Variants in NTSR1 observed in about 807,000 individuals in gnomAD.
The protein encoded by NTSR1 is neurotensin receptor 1.
A neutral mutation model predicts 31.2 loss-of-function variants in NTSR1; 29 were observed. The observed-to-expected ratio is 0.93, with a 90% CI of 0.69 to 1.27. NTSR1 has a LOEUF of 1.27. Ranked by LOEUF, NTSR1 falls within the 50% of genes most tolerant of loss-of-function variation. The pLI, the probability that NTSR1 is intolerant of heterozygous loss-of-function variation, is 0.00. For synonymous variants in NTSR1, 282 were observed against 269.9 expected (o/e 1.04, Z -0.44); for missense variants, 697 against 595.4 (o/e 1.17, Z -1.78).
rs372248586 is a variant in NTSR1, at chr20:62,717,361, A to G, written c.714+7440A>G. 5.3e-5 allele frequency among the ~76,000 whole-genome samples: 8 copies of G among 152,350 alleles called. No individual in the cohort carries two copies. The East Asian group carries it at 1.3e-3, about 26-fold the overall frequency. On this transcript the variant is annotated intron_variant, in intron 1 of 3. Transcript: ENST00000370501. ...CAGTCAGGGAAGCAAGAAGGAGATC[A>G]GGAGAATGCTTCCCGAGAATAGGTG...
At chr20:62,730,819 T>C (rs983829258) in intron 1 of NTSR1, among the ~76,000 whole-genome samples, 3 of 152,380 alleles carry the variant, frequency 2.0e-5, no homozygotes, top group African/African-American at 7.2e-5. Flanking sequence ...TAATCGACAT[T>C]TCTCTAATGA....
rs1312093474 is a variant in NTSR1, at chr20:62,743,799, G to A, written c.715-10886G>A. Among the ~76,000 whole-genome samples, 2 of 152,038 alleles carry A rather than the reference G, an allele frequency of 1.3e-5. No individual in the cohort carries two copies. The highest frequency in any genetic ancestry group is 2.9e-5 in the Non-Finnish European group (2 of 68,020). ...GAATACAAAACAAGCAATTGCTCTC[G>A]AAGAGCGAGGTGAGAACGCCCTGCC... On this transcript the variant is annotated intron_variant, in intron 1 of 3. Coordinates refer to ENST00000370501, the MANE Select transcript of NTSR1 (RefSeq NM_002531.3). The surrounding 1 kb of genome is among the most constrained non-coding windows in gnomAD (Gnocchi z 7.5).
chr20:62,716,973 G>A lies in NTSR1; in HGVS notation c.714+7052G>A, dbSNP rs78936348. Among the ~76,000 whole-genome samples, 873 of 152,356 alleles carry A rather than the reference G, an allele frequency of 5.7e-3. 7 individuals carry two copies. The highest frequency in any genetic ancestry group is 0.02 in the African/African-American group (846 of 41,570). ...TGACCTTGCCATCGCCAGTGAAGGC[G>A]CAGTGGCCAAGGGGCTGTCCCCGTC... is the stretch of plus-strand genomic sequence containing the variant. On this transcript the variant is annotated intron_variant, in intron 1 of 3. Coordinates refer to ENST00000370501, the MANE Select transcript of NTSR1 (RefSeq NM_002531.3).
At chr20:62,717,676 G>A (rs1988756415) in intron 1 of NTSR1, among the ~76,000 whole-genome samples, 2 of 152,298 alleles carry the variant, frequency 1.3e-5, no homozygotes, top group Non-Finnish European at 2.9e-5. Flanking sequence ...TGGGAGGGCT[G>A]GGAGCCTCCC....
chr20:62,709,970 A>C, intron 1 of NTSR1, 49 bp downstream of exon 1: 3 of 1,385,128 alleles, frequency 2.2e-6, no homozygotes, highest in Non-Finnish European at 3.0e-6. Context: ...TCACCCCAAA[A>C]GCAGTGCCAG....
chr20:62,753,399 C>T (rs1375267829), intron 1 of NTSR1, among the ~76,000 whole-genome samples: 2 of 152,232 alleles, frequency 1.3e-5, no homozygotes, highest in Non-Finnish European at 2.9e-5. Flanking sequence ...GCTCTGCCCT[C>T]CCTTGTGGCA....
intron 1 of NTSR1, among the ~76,000 whole-genome samples, chr20:62,749,179 C>T (rs1257005534): frequency 2.0e-5 from 3 of 152,166 alleles, no homozygotes; most frequent in South Asian, 4.1e-4. Flanking sequence ...CGGTGGCTCA[C>T]GCCTATAATC....
In NTSR1 at chr20:62,709,142, G is replaced by T. The variant is rs114225531; in HGVS notation, c.-66G>T. ...GTTCATCGGTCCCCGCCTGAGACGC[G>T]CCCACTCCTGCCCGGACTTCCAGCC... On this transcript the variant is annotated 5_prime_UTR_variant, in exon 1 of 4. Coordinates refer to ENST00000370501, the MANE Select transcript of NTSR1 (RefSeq NM_002531.3). 2.0e-3 allele frequency: 2,539 copies of T among 1,257,420 alleles called. 56 individuals carry two copies. In the African/African-American group the frequency reaches 0.035, roughly 17 times the overall value. 77.9% of individuals were successfully genotyped at this position (1,257,420 alleles called of 1,614,324 possible). A position where few individuals can be genotyped will look rare whatever the true frequency, so the allele number is the denominator to read the frequency against.
At position 62,709,859 on chromosome 20, in the gene NTSR1, C is replaced by G. The variant is rs753711022; in HGVS notation, c.652C>G (p.His218Asp). ...GCAGAACCGCAGCGCCGACGGCCAG[C>G]ACGCCGGCGGCCTGGTGTGCACCCC... ...GEQNRSADGQ[H>D]AGGLVCTPTI... is the part of the protein sequence containing the mutation. Residue 218 changes from histidine (H) to aspartate (D), a missense_variant, in exon 1 of 4, where the codon CAC (histidine) becomes GAC (aspartate). His to Asp is a moderately conservative substitution (Grantham distance 81). Coordinates refer to ENST00000370501, the MANE Select transcript of NTSR1 (RefSeq NM_002531.3). 1.5e-5 allele frequency: 24 copies of G among 1,607,926 alleles called. No homozygotes were observed. The highest frequency in any genetic ancestry group is 2.0e-5 in the Non-Finnish European group (24 of 1,176,254).
intron 1 of NTSR1, among the ~76,000 whole-genome samples, chr20:62,735,988 A>G (rs1171111112): frequency 6.6e-6 from 1 of 152,242 alleles, no homozygotes; most frequent in Non-Finnish European, 1.5e-5. Context: ...TCCCTTCATT[A>G]CAAAGAACAA....
intron 1 of NTSR1, among the ~76,000 whole-genome samples, chr20:62,724,601 G>T (rs1461447480): frequency 6.6e-6 from 1 of 152,216 alleles, no homozygotes; most frequent in East Asian, 1.9e-4. Context: ...TGTTTTGACA[G>T]CTCCAACCCC....
chr20:62,710,776 A>G (rs1988594678), intron 1 of NTSR1, among the ~76,000 whole-genome samples: 2 of 152,186 alleles, frequency 1.3e-5, no homozygotes, highest in Admixed American at 1.3e-4. Flanking sequence ...AGCCCCGAGC[A>G]GGAGGCTGGT....
In NTSR1 at chr20:62,711,708, C is replaced by T. The variant is rs532821447; in HGVS notation, c.714+1787C>T. Among the ~76,000 whole-genome samples, 1 of 152,154 alleles carries T rather than the reference C, an allele frequency of 6.6e-6. No individual in the cohort carries two copies. The highest frequency in any genetic ancestry group is 2.4e-5 in the African/African-American group (1 of 41,440). ...AAAGCACAGGGGCGTGAGGACAGCT[C>T]GGCTCCGCCCCCCGGAAAGTGTCCT... On this transcript the variant is annotated intron_variant, in intron 1 of 3. Transcript: ENST00000370501. The surrounding 1 kb of genome is among the most constrained non-coding windows in gnomAD (Gnocchi z 6.4).
At position 62,709,363 on chromosome 20, in the gene NTSR1, C is replaced by T. The variant is rs150733474; in HGVS notation, c.156C>T (p.Ser52=). ...AGCGCGTCCTGGCGGCACCCAGCAG[C>T]GAGCTGGACGTGAACACCGACATCT... ...ASERVLAAPS[S]ELDVNTDIYS... The change falls in exon 1 of 4, where the codon AGC becomes AGT. Residue 52 remains serine (S), a synonymous_variant. Transcript: ENST00000370501. The T allele has an allele frequency of 9.9e-6, 16 of 1,609,152 alleles. No individual in the cohort carries two copies. In the African/African-American group the frequency reaches 1.6e-4, roughly 16 times the overall value.
intron 1 of NTSR1, among the ~76,000 whole-genome samples, chr20:62,737,642 C>T (rs6062491): frequency 6.6e-6 from 1 of 152,120 alleles, no homozygotes; most frequent in Non-Finnish European, 1.5e-5. Flanking sequence ...CTGCGATCCT[C>T]CTTCCTTCCC....
In NTSR1 at chr20:62,754,641, G is replaced by A. The variant is rs200036375; in HGVS notation, c.715-44G>A. 501 of 1,526,762 alleles carry A rather than the reference G, an allele frequency of 3.3e-4. 3 individuals carry two copies. In the African/African-American group the frequency reaches 6.2e-3, roughly 19 times the overall value. The allele number at this position is 1,526,762 out of a possible 1,614,324, so 94.6% of individuals were successfully genotyped here. ...AGGCATCCCAGCTGAGGGTGCATGAGTCCCGCTGCTGGCTCTGACAGCCTC... is the reference window on the plus strand; with the variant it reads ...AGGCATCCCAGCTGAGGGTGCATGAATCCCGCTGCTGGCTCTGACAGCCTC... On this transcript the variant is annotated intron_variant, in intron 1 of 3. Coordinates refer to ENST00000370501, the MANE Select transcript of NTSR1 (RefSeq NM_002531.3).
At position 62,744,076 on chromosome 20, in the gene NTSR1, G is replaced by A. The variant is rs564543885; in HGVS notation, c.715-10609G>A. Among the ~76,000 whole-genome samples, 5 of 152,156 alleles carry A rather than the reference G, an allele frequency of 3.3e-5. No homozygotes were observed. Among genetic ancestry groups the A allele is most frequent in the Non-Finnish European group, 7.4e-5 (5 of 68,026 alleles). On this transcript the variant is annotated intron_variant, in intron 1 of 3. Coordinates refer to ENST00000370501, the MANE Select transcript of NTSR1 (RefSeq NM_002531.3). This position sits in a 1 kb window ranked among gnomAD's most constrained non-coding sequence, Gnocchi z 4.1. Reference sequence around the variant, plus strand: ...CTCCCCATCAAAATTACACATGCGAGGGGGCAGAGGCCAGGCTGTCCCTCC... The same window carrying A: ...CTCCCCATCAAAATTACACATGCGAAGGGGCAGAGGCCAGGCTGTCCCTCC...
rs773919063 is a variant in NTSR1 at position 62,715,408 on chromosome 20, CAG to C, written c.714+5488_714+5489del. On this transcript the variant is annotated intron_variant, in intron 1 of 3. Coordinates refer to ENST00000370501, the MANE Select transcript of NTSR1 (RefSeq NM_002531.3). This position sits in a 1 kb window ranked among gnomAD's most constrained non-coding sequence, Gnocchi z 4.7. ...TGCACATCACGTGGCTGGAGAGAGACAGGGCCTGGAGGTGCTCTCAGAAGGGA... is the reference window on the plus strand; with the variant it reads ...TGCACATCACGTGGCTGGAGAGAGACGGCCTGGAGGTGCTCTCAGAAGGGA... Among the ~76,000 whole-genome samples, 7 of 152,228 alleles carry C rather than the reference CAG, an allele frequency of 4.6e-5. No homozygotes were observed. The highest frequency in any genetic ancestry group is 8.8e-5 in the Non-Finnish European group (6 of 68,040).
intron 1 of NTSR1, among the ~76,000 whole-genome samples, chr20:62,730,615 T>C (rs1200888181): frequency 1.3e-5 from 2 of 152,172 alleles, no homozygotes; most frequent in Non-Finnish European, 2.9e-5. Flanking sequence ...AGGGCGATCG[T>C]TGGAACACGT....
Sources: allele counts gnomAD v4.1 joint callset (sites outside exome capture counted in the v4.1 genomes callset), GRCh38; gene constraint gnomAD v4.1.1; non-coding constraint Gnocchi (gnomAD v3.1); transcripts MANE v1.5; gene names NCBI Gene and HGNC (gene_info 2026-07-23, HGNC 2026-07-21).